SLMAP: variants seen among roughly 807,000 people sequenced by gnomAD.
SLMAP encodes sarcolemmal membrane-associated protein.
SLMAP carries 44 observed loss-of-function variants against 128.8 expected under a neutral mutation model. The ratio of observed to expected loss-of-function variants is 0.34; its 90% CI spans 0.27 to 0.44. SLMAP has a LOEUF of 0.44. SLMAP is among the 20% of genes least tolerant of loss of function. The pLI, the probability that SLMAP is intolerant of heterozygous loss-of-function variation, is 1.00. For synonymous variants in SLMAP, 327 were observed against 348.8 expected (o/e 0.94, Z 0.70); for missense variants, 787 against 985.3 (o/e 0.80, Z 2.69).
chr3:57,831,378 TG>T lies in SLMAP; in HGVS notation c.199-4del. On this transcript the variant is annotated splice_region_variant and splice_polypyrimidine_tract_variant and intron_variant, in intron 2 of 24. Coordinates refer to ENST00000671191, the MANE Select transcript of SLMAP (RefSeq NM_001377540.1). The stretch of plus-strand genomic sequence containing the variant: ...GCCCTTTTTTGTTTTTGTTTTTTTT[TG>T]CAGTTTTATCTTCAAGACACTAAAA... 6.8e-7 allele frequency: 1 copy of T among 1,474,732 alleles called. No individual in the cohort carries two copies. The highest frequency in any genetic ancestry group is 9.1e-7 in the Non-Finnish European group (1 of 1,104,400). 91.4% of individuals were successfully genotyped at this position (1,474,732 alleles called of 1,614,324 possible). A position where few individuals can be genotyped will look rare whatever the true frequency, so the allele number is the denominator to read the frequency against.
At chr3:57,926,453 C>T (rs373376944) in intron 24 of SLMAP, among the ~76,000 whole-genome samples, 7 of 152,144 alleles carry the variant, frequency 4.6e-5, no homozygotes, top group African/African-American at 1.7e-4. Flanking sequence ...ACCATTGGCT[C>T]ACAATCTCAA....
Position 57,912,706 on chromosome 3 carries a change from A to G in SLMAP, c.2020+5A>G, listed in dbSNP as rs199881493. The G allele has an allele frequency of 2.3e-4, 367 of 1,598,258 alleles. 1 individual carries two copies. Among genetic ancestry groups the G allele is most frequent in the Middle Eastern group, 1.5e-3 (9 of 6,016 alleles). On this transcript the variant is annotated splice_donor_5th_base_variant and intron_variant, in intron 20 of 24. Coordinates refer to ENST00000671191, the MANE Select transcript of SLMAP (RefSeq NM_001377540.1). ...AAGAAGCAACAAGGTTGCAAGGTGAATAAATGTATTTTACATAAAGCTGTT... is the reference window on the plus strand; with the variant it reads ...AAGAAGCAACAAGGTTGCAAGGTGAGTAAATGTATTTTACATAAAGCTGTT...
intron 2 of SLMAP, among the ~76,000 whole-genome samples, chr3:57,787,029 C>A (rs879429998): frequency 2.0e-5 from 3 of 152,108 alleles, no homozygotes; most frequent in Admixed American, 6.5e-5. Context: ...AGCCACCGCA[C>A]CCTGCCGAAA....
chr3:57,806,412 C>T (rs2089870685), intron 2 of SLMAP, among the ~76,000 whole-genome samples: 1 of 152,044 alleles, frequency 6.6e-6, no homozygotes, highest in Non-Finnish European at 1.5e-5. Context: ...CGTAGTATTC[C>T]ATGGTGTTTA....
chr3:57,845,989 A>G (rs547001629), intron 4 of SLMAP, among the ~76,000 whole-genome samples: 1 of 152,078 alleles, frequency 6.6e-6, no homozygotes, highest in African/African-American at 2.4e-5. Flanking sequence ...CTACAGGCAC[A>G]TGCCACCGCA....
chr3:57,890,203 A>G (rs1410040627), intron 15 of SLMAP, 103 bp downstream of exon 15: 7 of 1,052,818 alleles, frequency 6.6e-6, no homozygotes, highest in Non-Finnish European at 9.9e-6. Context: ...TTTACTTCTT[A>G]TAGCTCACAA....
chr3:57,853,810 G>A (rs1215483135), intron 6 of SLMAP, among the ~76,000 whole-genome samples: 1 of 149,686 alleles, frequency 6.7e-6, no homozygotes, highest in Non-Finnish European at 1.5e-5. Context: ...GCGTGGTGGC[G>A]CATGCCTGTA....
chr3:57,806,682 C>T (rs996632862), intron 2 of SLMAP, among the ~76,000 whole-genome samples: 3 of 151,974 alleles, frequency 2.0e-5, no homozygotes, highest in South Asian at 2.1e-4. Flanking sequence ...TCAAGTGATC[C>T]ACCTACCTCG....
At chr3:57,846,003 G>A (rs1577481702) in intron 4 of SLMAP, among the ~76,000 whole-genome samples, 1 of 152,052 alleles carries the variant, frequency 6.6e-6, no homozygotes, top group African/African-American at 2.4e-5. Flanking sequence ...CACCGCACCT[G>A]GCTGATTTTT....
intron 9 of SLMAP, among the ~76,000 whole-genome samples, chr3:57,861,739 G>T (rs1401428283): frequency 1.3e-5 from 2 of 151,902 alleles, no homozygotes; most frequent in African/African-American, 2.4e-5. Context: ...TTATTTTTTT[G>T]TTGTTTTTGT....
chr3:57,926,736 A>C (rs1456445866), intron 24 of SLMAP, among the ~76,000 whole-genome samples: 1 of 152,184 alleles, frequency 6.6e-6, no homozygotes, highest in Non-Finnish European at 1.5e-5. Flanking sequence ...CAGAGTCTAT[A>C]CCAGAATTAT....
intron 14 of SLMAP, among the ~76,000 whole-genome samples, chr3:57,872,791 G>C (rs2095512621): frequency 6.6e-6 from 1 of 152,156 alleles, no homozygotes; most frequent in Non-Finnish European, 1.5e-5. Context: ...TTAAGTAAAG[G>C]TCATTGTATG....
At chr3:57,853,809 C>T (rs185299989) in intron 6 of SLMAP, among the ~76,000 whole-genome samples, 25 of 149,572 alleles carry the variant, frequency 1.7e-4, no homozygotes, top group African/African-American at 5.7e-4. Context: ...GGCGTGGTGG[C>T]GCATGCCTGT....
At chr3:57,819,978 C>T (rs1354252944) in intron 2 of SLMAP, among the ~76,000 whole-genome samples, 1 of 152,156 alleles carries the variant, frequency 6.6e-6, no homozygotes, top group Non-Finnish European at 1.5e-5. Flanking sequence ...TCTTGAACTC[C>T]TGGGCTCAAG....
intron 2 of SLMAP, among the ~76,000 whole-genome samples, chr3:57,827,633 C>G (rs1020778079): frequency 5.3e-5 from 8 of 152,226 alleles, no homozygotes; most frequent in African/African-American, 1.9e-4. Context: ...AAATTCAGAG[C>G]TCCTTACTCA....
At chr3:57,845,910 C>T (rs952544400) in intron 4 of SLMAP, among the ~76,000 whole-genome samples, 1 of 151,686 alleles carries the variant, frequency 6.6e-6, no homozygotes, top group East Asian at 1.9e-4. Flanking sequence ...GGCATCATCT[C>T]GGCTCACTGC....
chr3:57,875,935 A>G lies in SLMAP; in HGVS notation c.1300+4237A>G, dbSNP rs575829153. 1.5e-3 allele frequency among the ~76,000 whole-genome samples: 222 copies of G among 152,344 alleles called. 1 individual carries two copies. The highest frequency in any genetic ancestry group is 2.4e-3 in the Non-Finnish European group (166 of 68,042). On this transcript the variant is annotated intron_variant, in intron 14 of 24. Transcript: ENST00000671191. ...TTTATACTCAAGCACTTTTAAAACA[A>G]TTTTGGATTACATATTAACAAGTTC...
intron 2 of SLMAP, among the ~76,000 whole-genome samples, chr3:57,767,995 ACTC>A (rs2080080126): frequency 6.6e-6 from 1 of 151,990 alleles, no homozygotes. Context: ...TACCTCTACT[ACTC>A]CTAGAAATAC....
At chr3:57,870,868 G>A (rs2095465540) in intron 13 of SLMAP, among the ~76,000 whole-genome samples, 1 of 152,156 alleles carries the variant, frequency 6.6e-6, no homozygotes, top group Non-Finnish European at 1.5e-5. Context: ...ACACGTTAAA[G>A]GACATTATCC....
Sources: gnomAD v4.1 joint callset for allele counts (sites outside exome capture counted in the v4.1 genomes callset) on GRCh38, gnomAD v4.1.1 for gene constraint, MANE v1.5 for transcripts, NCBI Gene and HGNC (gene_info 2026-07-23, HGNC 2026-07-21) for gene names.